HORMAD2: variants seen among roughly 807,000 people sequenced by gnomAD.
The protein encoded by HORMAD2 is HORMA domain-containing protein 2.
HORMAD2 carries 45 observed loss-of-function variants against 38.8 expected under a neutral mutation model. That is an observed-to-expected ratio of 1.16 (90% CI 0.91 to 1.49). The LOEUF is 1.49. Among genes scored for constraint, HORMAD2 ranks in the 40% most tolerant of loss-of-function variants. HORMAD2 has a pLI of 0.00. For synonymous variants in HORMAD2, 126 were observed against 122.8 expected, an observed-to-expected ratio of 1.03 and a Z score of -0.17; for missense variants, 338 against 367.0, an observed-to-expected ratio of 0.92 and a Z score of 0.65.
Position 30,112,512 on chromosome 22 carries a change from TG to T in HORMAD2, c.335del (p.Gly112AspfsTer5). 1 of 1,391,622 alleles carries T rather than the reference TG, an allele frequency of 7.2e-7. No individual in the cohort carries two copies. Among genetic ancestry groups the T allele is most frequent in the Non-Finnish European group, 9.6e-7 (1 of 1,043,368 alleles). 86.2% of individuals were successfully genotyped at this position (1,391,622 alleles called of 1,614,324 possible). On this transcript the variant is annotated frameshift_variant, in exon 7 of 11. Transcript: ENST00000336726. LOFTEE classifies it high-confidence loss of function. ...MAVLTLYTDP[M>X]GSEKVTEMYQ... ...CTTATACAGCTTTACACAGATCCCA[TG>T]GGATCTGAGGTAAGAACACACACAA...
intron 10 of HORMAD2, among the ~76,000 whole-genome samples, chr22:30,170,689 A>G (rs1394042153): frequency 6.6e-6 from 1 of 152,070 alleles, no homozygotes; most frequent in Non-Finnish European, 1.5e-5. Context: ...CACCATTTCC[A>G]GTCTGGTGAA....
rs367643502 is a variant in HORMAD2 at position 30,138,854 on chromosome 22, T to C, written c.819+16640T>C. Among the ~76,000 whole-genome samples, 4 of 152,318 alleles carry C rather than the reference T, an allele frequency of 2.6e-5. No homozygotes were observed. The East Asian group carries it at 7.7e-4, about 29-fold the overall frequency. On this transcript the variant is annotated intron_variant, in intron 10 of 10. Coordinates refer to ENST00000336726, the MANE Select transcript of HORMAD2 (RefSeq NM_152510.4). ...CTGATTTTGTATTCTACAACCTTGG[T>C]AGGATAGTTAATTTTATGTGTCAAC...
At chr22:30,203,671 CCTA>C in the HORMAD2 span, among the ~76,000 whole-genome samples, 1 of 152,180 alleles carries the variant, frequency 6.6e-6, no homozygotes, top group African/African-American at 2.4e-5. Flanking sequence ...TAAACACACT[CCTA>C]TATGTGAGTA....
At chr22:30,130,586 CTTTTT>C (rs66636269) in intron 10 of HORMAD2, among the ~76,000 whole-genome samples, 1 of 87,884 alleles carries the variant, frequency 1.1e-5, no homozygotes, top group Non-Finnish European at 2.3e-5. Flanking sequence ...CTTTTCTTTT[CTTTTT>C]TTTTTTTTTT....
intron 7 of HORMAD2, among the ~76,000 whole-genome samples, chr22:30,118,095 A>G (rs1016852494): frequency 6.6e-6 from 1 of 152,196 alleles, no homozygotes; most frequent in African/African-American, 2.4e-5. Flanking sequence ...AGGAGCCAAG[A>G]TGATGTTTAA....
intron 7 of HORMAD2, among the ~76,000 whole-genome samples, chr22:30,118,143 A>G (rs1922183045): frequency 1.3e-5 from 2 of 152,190 alleles, no homozygotes; most frequent in South Asian, 4.1e-4. Flanking sequence ...ACTCTTCCGT[A>G]GACTTCTAGC....
intron 10 of HORMAD2, among the ~76,000 whole-genome samples, chr22:30,145,467 A>G (rs1924356422): frequency 6.6e-6 from 1 of 152,220 alleles, no homozygotes; most frequent in African/African-American, 2.4e-5. Context: ...TTAAAGGAAA[A>G]CATCAATATA....
chr22:30,120,043 C>G (rs1297192190), intron 8 of HORMAD2, among the ~76,000 whole-genome samples: 1 of 152,166 alleles, frequency 6.6e-6, no homozygotes, highest in Non-Finnish European at 1.5e-5. Context: ...AAAAAGTTAC[C>G]TTTACTCTCC....
intron 10 of HORMAD2, among the ~76,000 whole-genome samples, chr22:30,154,446 AT>A (rs1924944061): frequency 6.6e-6 from 1 of 152,188 alleles, no homozygotes; most frequent in Non-Finnish European, 1.5e-5. Context: ...AGGCAAGGAT[AT>A]TCTCCTATAT....
chr22:30,136,521 G>A (rs959369891), intron 10 of HORMAD2, among the ~76,000 whole-genome samples: 17 of 151,712 alleles, frequency 1.1e-4, no homozygotes, highest in South Asian at 2.1e-4. Context: ...CTCCAGATTC[G>A]CCTATTATGA....
intron 10 of HORMAD2, among the ~76,000 whole-genome samples, chr22:30,163,135 G>T (rs1247347865): frequency 1.3e-5 from 2 of 151,862 alleles, no homozygotes; most frequent in African/African-American, 4.8e-5. Flanking sequence ...TTTAACTGTG[G>T]CATAGTAATC....
At chr22:30,128,890 G>T (rs1235070027) in intron 10 of HORMAD2, among the ~76,000 whole-genome samples, 1 of 152,170 alleles carries the variant, frequency 6.6e-6, no homozygotes, top group Non-Finnish European at 1.5e-5. Flanking sequence ...TGCTAAGATT[G>T]TCTGGGATAT....
intron 10 of HORMAD2, among the ~76,000 whole-genome samples, chr22:30,154,188 A>G (rs951558179): frequency 6.6e-6 from 1 of 152,204 alleles, no homozygotes; most frequent in Non-Finnish European, 1.5e-5. Context: ...ACATGGACAC[A>G]TTTCAGAATA....
At chr22:30,123,263 GA>G (rs1231374084) in intron 10 of HORMAD2, among the ~76,000 whole-genome samples, 2 of 152,094 alleles carry the variant, frequency 1.3e-5, no homozygotes, top group Non-Finnish European at 2.9e-5. Context: ...ACCCAAGGAA[GA>G]TATAGCTAAC....
At chr22:30,092,567 T>A (rs2068710475) in intron 1 of HORMAD2, among the ~76,000 whole-genome samples, 1 of 152,162 alleles carries the variant, frequency 6.6e-6, no homozygotes, top group Non-Finnish European at 1.5e-5. Context: ...GTCTTACCCA[T>A]AAAATCTTTA....
At chr22:30,168,259 A>C (rs1445639804) in intron 10 of HORMAD2, among the ~76,000 whole-genome samples, 1 of 152,222 alleles carries the variant, frequency 6.6e-6, no homozygotes, top group African/African-American at 2.4e-5. Context: ...GAAATAATTA[A>C]GGCCATCAAA....
At chr22:30,161,009 G>A (rs780126236) in intron 10 of HORMAD2, among the ~76,000 whole-genome samples, 16 of 152,122 alleles carry the variant, frequency 1.1e-4, no homozygotes, top group Non-Finnish European at 2.2e-4. Context: ...TGAATTTAGG[G>A]CCAATTTAAA....
the HORMAD2 span, among the ~76,000 whole-genome samples, chr22:30,196,285 AT>A: frequency 6.6e-6 from 1 of 152,192 alleles, no homozygotes; most frequent in East Asian, 1.9e-4. Context: ...ATGACTCAGG[AT>A]TTTGCGAGTG....
At chr22:30,105,661 T>C (rs1921135434) in intron 5 of HORMAD2, among the ~76,000 whole-genome samples, 1 of 152,188 alleles carries the variant, frequency 6.6e-6, no homozygotes, top group Non-Finnish European at 1.5e-5. Context: ...AAAACAGAAG[T>C]GGGAAAGAGC....
Sources: gnomAD v4.1 joint callset for allele counts (sites outside exome capture counted in the v4.1 genomes callset) on GRCh38, gnomAD v4.1.1 for gene constraint, MANE v1.5 for transcripts, NCBI Gene and HGNC (gene_info 2026-07-23, HGNC 2026-07-21) for gene names.